The following ATP2C2 variants were observed in gnomAD, a reference collection of about 807,000 sequenced individuals.
ATP2C2 encodes the protein calcium-transporting ATPase type 2C member 2.
In ATP2C2, 171 loss-of-function variants were observed where a neutral mutation model predicts 110.8. The ratio of observed to expected loss-of-function variants is 1.54; its 90% CI spans 1.36 to 1.75. The LOEUF (loss-of-function observed/expected upper bound fraction) is 1.75. ATP2C2 is among the 40% of genes most tolerant of loss of function. ATP2C2 has a pLI of 0.00. For synonymous variants in ATP2C2, 804 were observed against 508.4 expected, an observed-to-expected ratio of 1.58 and a Z score of -7.82; for missense variants, 1,963 against 1,235.0, an observed-to-expected ratio of 1.59 and a Z score of -8.84.
In ATP2C2 at chr16:84,464,038, G is replaced by C. The variant is rs1911672733; in HGVS notation, c.*306G>C. On this transcript the variant is annotated 3_prime_UTR_variant, in exon 27 of 27. Transcript: ENST00000262429. ...CTACGTATCTGTGCCACAGCTTGCA[G>C]TGAGGCAGGCCACTCGTGGCAGATA... The C allele has an allele frequency of 4.2e-6, 1 of 240,164 alleles. No homozygotes were observed. Among genetic ancestry groups the C allele is most frequent in the African/African-American group, 2.2e-5 (1 of 44,802 alleles). The allele number at this position is 240,164 out of a possible 1,614,324, so 14.9% of individuals were successfully genotyped here. A position where few individuals can be genotyped will look rare whatever the true frequency, so the allele number is the denominator to read the frequency against.
chr16:84,406,733 G>A (rs1456690169), intron 3 of ATP2C2: 3 of 820,698 alleles, frequency 3.7e-6, no homozygotes, highest in Non-Finnish European at 4.4e-6. Flanking sequence ...GGAAGTTGGG[G>A]TTCAGGGAAG....
At chr16:84,413,115 A>T (rs567735902) in intron 6 of ATP2C2, among the ~76,000 whole-genome samples, 1 of 145,964 alleles carries the variant, frequency 6.9e-6, no homozygotes, top group Admixed American at 6.8e-5. Context: ...AAAAAAAAAA[A>T]GTATCTCATG....
intron 1 of ATP2C2, among the ~76,000 whole-genome samples, chr16:84,388,368 C>T (rs114679399): frequency 6.6e-6 from 1 of 152,112 alleles, no homozygotes; most frequent in Admixed American, 6.6e-5. Flanking sequence ...TTGAACACAT[C>T]AGTCAGAGTC....
Position 84,433,361 on chromosome 16 carries a change from C to T in ATP2C2, c.987-5805C>T, listed in dbSNP as rs566065025. Among the ~76,000 whole-genome samples, 8 of 151,694 alleles carry T rather than the reference C, an allele frequency of 5.3e-5. No individual in the cohort carries two copies. The South Asian group carries it at 1.7e-3, about 32-fold the overall frequency. On this transcript the variant is annotated intron_variant, in intron 11 of 26. Transcript: ENST00000262429. ...TCTTGCCACTGCACTCCAACCTGGG[C>T]AACACAGCAAGACCCTATCTTAAAA...
rs1300234432 is a variant in ATP2C2, at chr16:84,442,580, T to G, written c.1382T>G (p.Leu461Trp). ...AVMGQPTEGA[L>W]MALAMKMDLS... ...ATGGGGCAGCCCACCGAGGGTGCAT[T>G]GATGGCCCTGGCGATGAAGGTAGGA... is the stretch of plus-strand genomic sequence containing the variant. The change falls in exon 15 of 27, where the codon TTG (leucine) becomes TGG (tryptophan). Residue 461 changes from leucine (L) to tryptophan (W), a missense_variant. Physicochemically the swap from Leu to Trp is moderately conservative, Grantham distance 61 (BLOSUM62 -2). Coordinates refer to ENST00000262429, the MANE Select transcript of ATP2C2 (RefSeq NM_014861.4). 2 of 1,613,950 alleles carry G rather than the reference T, an allele frequency of 1.2e-6. No homozygotes were observed. Among genetic ancestry groups the G allele is most frequent in the East Asian group, 2.2e-5 (1 of 44,866 alleles).
chr16:84,452,482 C>T (rs1458735079), intron 18 of ATP2C2, among the ~76,000 whole-genome samples: 1 of 146,780 alleles, frequency 6.8e-6, no homozygotes, highest in Non-Finnish European at 1.5e-5. Flanking sequence ...GCTAGCAGCC[C>T]TTCTCCTCTA....
chr16:84,406,884 C>T (rs1054936603), intron 3 of ATP2C2, among the ~76,000 whole-genome samples: 2 of 152,168 alleles, frequency 1.3e-5, no homozygotes, highest in African/African-American at 4.8e-5. Context: ...TCTGCTCTGT[C>T]GAAACCCACC....
At chr16:84,368,812 C>G (rs987879355) in intron 1 of ATP2C2, 98 bp downstream of exon 1, 1 of 1,036,530 alleles carries the variant, frequency 9.6e-7, no homozygotes, top group Non-Finnish European at 1.4e-6. Flanking sequence ...GCGCTGCGAT[C>G]CGCGAACTCG....
rs201235841 is a variant in ATP2C2, at chr16:84,423,220, C to G, written c.876C>G (p.Asp292Glu). 6.2e-7 allele frequency: 1 copy of G among 1,614,090 alleles called. No homozygotes were observed. The highest frequency in any genetic ancestry group is 8.5e-7 in the Non-Finnish European group (1 of 1,179,994). The part of the protein sequence containing the change: ...TPKTPLQKSM[D>E]RLGKQLTLFS... Reference sequence around the variant, plus strand: ...AAACTCCTTTGCAGAAAAGCATGGACAGGCTAGGAAAGCAACTGACACTCT... The same window carrying G: ...AAACTCCTTTGCAGAAAAGCATGGAGAGGCTAGGAAAGCAACTGACACTCT... The change falls in exon 10 of 27, where the codon GAC becomes GAG. Residue 292 changes from aspartate (D) to glutamate (E), a missense_variant. Asp to Glu is a conservative substitution (Grantham distance 45, BLOSUM62 2). Coordinates refer to ENST00000262429, the MANE Select transcript of ATP2C2 (RefSeq NM_014861.4).
intron 1 of ATP2C2, among the ~76,000 whole-genome samples, chr16:84,371,945 G>A (rs1181352174): frequency 1.3e-5 from 2 of 152,204 alleles, no homozygotes; most frequent in Non-Finnish European, 2.9e-5. Flanking sequence ...CCCAGCAACT[G>A]GTCACAGTTC....
chr16:84,373,487 G>A (rs188283286), intron 1 of ATP2C2, among the ~76,000 whole-genome samples: 8 of 144,552 alleles, frequency 5.5e-5, no homozygotes, highest in East Asian at 2.0e-4. Flanking sequence ...GTGACAGAGC[G>A]AGACTCCATC....
intron 4 of ATP2C2, among the ~76,000 whole-genome samples, chr16:84,408,857 ATTTTT>A (rs145064196): frequency 3.9e-4 from 59 of 150,180 alleles, no homozygotes; most frequent in South Asian, 1.3e-3. Flanking sequence ...CTGAGCACTC[ATTTTT>A]TTTTTATTTA....
At chr16:84,400,035 A>G (rs1403646722) in intron 2 of ATP2C2, among the ~76,000 whole-genome samples, 1 of 152,086 alleles carries the variant, frequency 6.6e-6, no homozygotes, top group African/African-American at 2.4e-5. Context: ...GGAGGTCACT[A>G]TGTTATTTGA....
At chr16:84,404,928 T>A (rs771026690) in intron 2 of ATP2C2, 200 bp from the exon 3 acceptor site, 1 of 685,000 alleles carries the variant, frequency 1.5e-6, no homozygotes, top group East Asian at 2.8e-5. Context: ...GTAATTATAA[T>A]GGTCACTGGC....
In ATP2C2 at chr16:84,422,352, CAGAG is replaced by C. The variant is rs766845070; in HGVS notation, c.625-34_625-31del. The C allele has an allele frequency of 2.5e-6, 4 of 1,597,544 alleles. No individual in the cohort carries two copies. In the East Asian group the frequency reaches 6.7e-5, roughly 27 times the overall value. On this transcript the variant is annotated intron_variant, in intron 7 of 26. Coordinates refer to ENST00000262429, the MANE Select transcript of ATP2C2 (RefSeq NM_014861.4). ...CTTTTAACACCAATTCTCGGGGTGA[CAGAG>C]AGATTCCACAGCCTTTTCCCCTTGC... is the stretch of plus-strand genomic sequence containing the variant.
At chr16:84,406,070 G>A (rs1905739633) in intron 3 of ATP2C2, among the ~76,000 whole-genome samples, 1 of 152,320 alleles carries the variant, frequency 6.6e-6, no homozygotes, top group Admixed American at 6.5e-5. Flanking sequence ...GTGTCCTACT[G>A]TAACCTGAGC....
At chr16:84,394,027 A>T (rs987468838) in intron 1 of ATP2C2, among the ~76,000 whole-genome samples, 1 of 150,702 alleles carries the variant, frequency 6.6e-6, no homozygotes, top group Non-Finnish European at 1.5e-5. Flanking sequence ...AATAAAAAAT[A>T]AAAAGGCCTG....
At chr16:84,460,908 C>A in intron 24 of ATP2C2, 107 bp downstream of exon 24, 1 of 1,395,834 alleles carries the variant, frequency 7.2e-7, no homozygotes, top group South Asian at 1.4e-5. Context: ...GAGAGGCAAA[C>A]ATGTACACAC....
rs751736988 is a variant in ATP2C2 at position 84,459,276 on chromosome 16, C to G, written c.2223C>G (p.Ile741Met). The change falls in exon 23 of 27, where the codon ATC becomes ATG. Residue 741 changes from isoleucine (I) to methionine (M), a missense_variant. Transcript: ENST00000262429. ...NFVRFQLSTS[I>M]SALSLITLST... ...GGCTGCGTGTGCCCCGCAGGAGCAT[C>G]TCCGCCCTGAGTCTCATCACTCTGT... The G allele has an allele frequency of 1.2e-6, 2 of 1,614,238 alleles. No individual in the cohort carries two copies. Among genetic ancestry groups the G allele is most frequent in the South Asian group, 1.1e-5 (1 of 91,088 alleles).
Sources: gnomAD v4.1 joint callset for allele counts (sites outside exome capture counted in the v4.1 genomes callset) on GRCh38, gnomAD v4.1.1 for gene constraint, MANE v1.5 for transcripts, NCBI Gene and HGNC (gene_info 2026-07-23, HGNC 2026-07-21) for gene names.